The following PHF24 variants were observed in gnomAD, a reference collection of about 807,000 sequenced individuals.
PHF24 encodes PHD finger protein 24, also known as Galpha inhibitory interacting protein.
PHF24 carries 25 observed loss-of-function variants against 42.6 expected under a neutral mutation model. The observed-to-expected ratio is 0.59, with a 90% confidence interval of 0.43 to 0.82. The LOEUF (loss-of-function observed/expected upper bound fraction) is 0.82, where lower values mean the gene tolerates loss of function less well. Among genes scored for constraint, PHF24 ranks in the 40% least tolerant of loss-of-function variants. The pLI, the probability that PHF24 is intolerant of heterozygous loss-of-function variation, is 0.00. For synonymous variants in PHF24, 185 were observed against 204.8 expected, an observed-to-expected ratio of 0.90 and a Z score of 0.83; for missense variants, 470 against 538.1, an observed-to-expected ratio of 0.87 and a Z score of 1.25.
At chr9:34,809,545 TG>T in the PHF24 span, among the ~76,000 whole-genome samples, 1 of 152,308 alleles carries the variant, frequency 6.6e-6, no homozygotes, top group Admixed American at 6.5e-5. This position sits in a 1 kb window ranked among gnomAD's most constrained non-coding sequence, Gnocchi z 4.1. Context: ...CAGTCAGAGT[TG>T]GGTCATTTGG....
the PHF24 span, among the ~76,000 whole-genome samples, chr9:34,877,989 T>C: frequency 6.6e-6 from 1 of 152,168 alleles, no homozygotes; most frequent in Non-Finnish European, 1.5e-5. Flanking sequence ...TACATGTCAT[T>C]ATACATTGGT....
At chr9:34,942,019 A>G in the PHF24 span, among the ~76,000 whole-genome samples, 2 of 152,180 alleles carry the variant, frequency 1.3e-5, no homozygotes, top group African/African-American at 2.4e-5. Context: ...TCTATTGCTG[A>G]TAGCTTAAAC....
At chr9:34,833,779 G>T in the PHF24 span, 9 of 1,551,048 alleles carry the variant, frequency 5.8e-6, no homozygotes, top group African/African-American at 1.4e-5. Context: ...TGCCTTGAGG[G>T]CATGGCCCAA....
chr9:34,749,774 G>A, the PHF24 span, among the ~76,000 whole-genome samples: 1 of 136,150 alleles, frequency 7.3e-6, no homozygotes, highest in Admixed American at 7.8e-5. Flanking sequence ...CCCTCCCCTT[G>A]CCCCCCATCC....
intron 3 of PHF24, among the ~76,000 whole-genome samples, chr9:34,973,070 C>G (rs891742392): frequency 6.6e-6 from 1 of 152,062 alleles, no homozygotes; most frequent in African/African-American, 2.4e-5. Context: ...GGCCTTAATC[C>G]CCTAGATGCC....
At chr9:34,925,306 A>G in the PHF24 span, among the ~76,000 whole-genome samples, 1 of 152,144 alleles carries the variant, frequency 6.6e-6, no homozygotes, top group Non-Finnish European at 1.5e-5. Flanking sequence ...GCTTTTTACA[A>G]TTTGACTATA....
chr9:34,813,186 G>C, the PHF24 span, among the ~76,000 whole-genome samples: 2 of 151,994 alleles, frequency 1.3e-5, no homozygotes, highest in Non-Finnish European at 2.9e-5. Flanking sequence ...TTCTTCCTTA[G>C]CTCATGCTAT....
the PHF24 span, among the ~76,000 whole-genome samples, chr9:34,839,396 CTT>C: frequency 6.6e-6 from 1 of 152,184 alleles, no homozygotes; most frequent in African/African-American, 2.4e-5. Context: ...ATTCTGGAAA[CTT>C]TTAAAGCAGA....
At chr9:34,826,434 T>G in the PHF24 span, among the ~76,000 whole-genome samples, 7 of 152,166 alleles carry the variant, frequency 4.6e-5, no homozygotes, top group Non-Finnish European at 1.0e-4. Flanking sequence ...GCCCTGGTTG[T>G]CTGGTTAAGC....
the PHF24 span, among the ~76,000 whole-genome samples, chr9:34,789,606 A>G: frequency 1.3e-5 from 2 of 152,152 alleles, no homozygotes; most frequent in Non-Finnish European, 2.9e-5. Flanking sequence ...ATGAGTTCCT[A>G]TGGCATGGAA....
intron 1 of PHF24, among the ~76,000 whole-genome samples, chr9:34,968,275 G>T (rs1344176386): frequency 1.3e-5 from 2 of 152,114 alleles, no homozygotes; most frequent in Admixed American, 6.6e-5. Context: ...ATGAAAAAAA[G>T]ATTTCTTAAT....
the PHF24 span, among the ~76,000 whole-genome samples, chr9:34,949,612 G>A: frequency 2.7e-4 from 41 of 152,288 alleles, no homozygotes; most frequent in African/African-American, 9.1e-4. Flanking sequence ...ATGCCCATCA[G>A]TGATAGACTG....
At chr9:34,718,769 G>C in the PHF24 span, among the ~76,000 whole-genome samples, 1 of 152,230 alleles carries the variant, frequency 6.6e-6, no homozygotes, top group East Asian at 1.9e-4. Flanking sequence ...AGCAGCCATG[G>C]TCCCTGCCCT....
the PHF24 span, among the ~76,000 whole-genome samples, chr9:34,737,966 T>C: frequency 6.6e-6 from 1 of 151,990 alleles, no homozygotes; most frequent in Non-Finnish European, 1.5e-5. Context: ...GCTTTTTTTT[T>C]TTTTCCTCAG....
chr9:34,863,584 T>A, the PHF24 span, among the ~76,000 whole-genome samples: 2 of 152,366 alleles, frequency 1.3e-5, no homozygotes, highest in South Asian at 2.1e-4. Flanking sequence ...ACAGCATTAC[T>A]GGGCATGGGG....
the PHF24 span, among the ~76,000 whole-genome samples, chr9:34,875,307 C>T: frequency 6.6e-6 from 1 of 152,122 alleles, no homozygotes; most frequent in African/African-American, 2.4e-5. Flanking sequence ...TTAGAGGTAA[C>T]CAACTTTAAA....
the PHF24 span, among the ~76,000 whole-genome samples, chr9:34,937,142 G>A: frequency 6.6e-6 from 1 of 152,166 alleles, no homozygotes; most frequent in South Asian, 2.1e-4. Flanking sequence ...ACCCCGTCTG[G>A]GAGGCGTACC....
chr9:34,861,608 C>G, the PHF24 span, among the ~76,000 whole-genome samples: 1 of 151,770 alleles, frequency 6.6e-6, no homozygotes, highest in Non-Finnish European at 1.5e-5. Context: ...TTTGAGCATA[C>G]AAATAAATAA....
the PHF24 span, among the ~76,000 whole-genome samples, chr9:34,818,086 T>C: frequency 4.5e-4 from 68 of 152,356 alleles, 1 homozygote; most frequent in Admixed American, 4.2e-3. Context: ...CTGCTATCTT[T>C]TTATCTGTGA....
Sources: allele counts gnomAD v4.1 joint callset (sites outside exome capture counted in the v4.1 genomes callset), GRCh38; gene constraint gnomAD v4.1.1; non-coding constraint Gnocchi (gnomAD v3.1); transcripts MANE v1.5; gene names NCBI Gene and HGNC (gene_info 2026-07-23, HGNC 2026-07-21).